Variants in UNC119 observed in about 807,000 individuals in gnomAD.
UNC119 encodes protein unc-119 homolog A.
A neutral mutation model predicts 22.6 loss-of-function variants in UNC119; 15 were observed. The ratio of observed to expected loss-of-function variants is 0.66; its 90% confidence interval spans 0.44 to 1.02. The LOEUF is 1.02. Among genes scored for constraint, UNC119 ranks in the 50% least tolerant of loss-of-function variants. The pLI is 0.00. For missense variants in UNC119, 322 were observed against 336.0 expected, an observed-to-expected ratio of 0.96 and a Z score of 0.33; for synonymous variants, 138 against 139.4, an observed-to-expected ratio of 0.99 and a Z score of 0.07.
chr17:28,548,646 G>A lies in UNC119; in HGVS notation c.280C>T (p.Arg94Trp), dbSNP rs764558972. The change falls in exon 2 of 5, where the codon CGG becomes TGG. Residue 94 changes from arginine (R) to tryptophan (W), a missense_variant. By Grantham distance (101) the Arg-to-Trp change is moderately radical (BLOSUM62 -3). Transcript: ENST00000335765. ...YKIDFVRFKIRDMDSGTVLFE... is the reference protein window; with the variant it reads ...YKIDFVRFKIWDMDSGTVLFE... ...AGGACAGTGCCTGAGTCCATGTCCCGAATCTTAAACCTGACAAAGTCGATC... is the reference window on the plus strand; with the variant it reads ...AGGACAGTGCCTGAGTCCATGTCCCAAATCTTAAACCTGACAAAGTCGATC... 3.7e-5 allele frequency: 60 copies of A among 1,614,052 alleles called. No homozygotes were observed. The Admixed American group carries it at 7.2e-4, about 19-fold the overall frequency.
chr17:28,547,481 C>T, intron 4 of UNC119, 72 bp from the exon 5 acceptor site: 1 of 1,600,936 alleles, frequency 6.2e-7, no homozygotes, highest in Non-Finnish European at 8.5e-7. Context: ...GGCTTCAGGA[C>T]TGGGGTACAG....
At chr17:28,547,537 A>G in intron 4 of UNC119, 128 bp from the exon 5 acceptor site, 1 of 1,588,470 alleles carries the variant, frequency 6.3e-7, no homozygotes, top group Non-Finnish European at 8.6e-7. Context: ...TTCTCTACGG[A>G]TGATATGGGA....
At position 28,548,096 on chromosome 17, in the gene UNC119, A is replaced by G. The variant is rs371050109; in HGVS notation, c.340T>C (p.Leu114=). The change falls in exon 3 of 5, where the codon TTG becomes CTG. Residue 114 remains leucine, a synonymous_variant. Coordinates refer to ENST00000335765, the MANE Select transcript of UNC119 (RefSeq NM_005148.4). The part of the protein sequence containing the change: ...EIKKPPVSER[L]PINRRDLDPN... ...TCCAGGTCCCGCCGGTTGATGGGCAACCGTTCTGCAATGTACCCCAGCTGG... is the reference window on the plus strand; with the variant it reads ...TCCAGGTCCCGCCGGTTGATGGGCAGCCGTTCTGCAATGTACCCCAGCTGG... 1.7e-4 allele frequency: 270 copies of G among 1,613,048 alleles called. No homozygotes were observed. Among genetic ancestry groups the G allele is most frequent in the East Asian group, 6.0e-4 (27 of 44,824 alleles).
At position 28,552,341 on chromosome 17, in the gene UNC119, C is replaced by T. The variant is rs900462989; in HGVS notation, c.217G>A (p.Gly73Ser). ...GCGCTCCCTCGCGGGTGCTCACCAC[C>T]GGTGATCCGCTGCAGCCCCAGCACG... Reference protein sequence around the residue: ...EDVLGLQRITGDYLCSPEENI... With the variant: ...EDVLGLQRITSDYLCSPEENI... Residue 73 changes from glycine to serine, a missense_variant, in exon 1 of 5, where the codon GGT becomes AGT. By Grantham distance (56) the Gly-to-Ser change is moderately conservative. Transcript: ENST00000335765. The T allele has an allele frequency of 3.6e-5, 56 of 1,535,782 alleles. No individual in the cohort carries two copies. The highest frequency in any genetic ancestry group is 4.4e-5 in the Non-Finnish European group (51 of 1,147,244).
At chr17:28,552,083 G>C (rs1463841790) in intron 1 of UNC119, 3 of 680,854 alleles carry the variant, frequency 4.4e-6, no homozygotes. Context: ...TGGGAAAAGG[G>C]GACGGGCCCC....
chr17:28,551,199 A>C (rs2070265342), intron 1 of UNC119: 1 of 152,240 alleles, frequency 6.6e-6, no homozygotes, highest in Non-Finnish European at 1.5e-5. Context: ...ACTCCAATAC[A>C]TGCCCCCCAT....
chr17:28,548,599 TG>T lies in UNC119; in HGVS notation c.326del (p.Pro109GlnfsTer32), dbSNP rs1567611089. The stretch of plus-strand genomic sequence containing the variant: ...CCCACCCAGCCCACTCACCTGAGAC[TG>T]GGGGCTTCTTGATTTCAAAGAGGAC... ...GTVLFEIKKP[P>X]VSERLPINRR... is the part of the protein sequence containing the mutation. On this transcript the variant is annotated frameshift_variant, in exon 2 of 5. Coordinates refer to ENST00000335765, the MANE Select transcript of UNC119 (RefSeq NM_005148.4). LOFTEE classifies it high-confidence loss of function. The T allele has an allele frequency of 6.2e-7, 1 of 1,614,056 alleles. No individual in the cohort carries two copies.
intron 1 of UNC119, 108 bp downstream of exon 1, chr17:28,552,230 G>C (rs1204792852): frequency 1.1e-5 from 12 of 1,050,194 alleles, no homozygotes; most frequent in Non-Finnish European, 1.6e-5. Flanking sequence ...CTCGGTGGGG[G>C]AGGGGAGGCG....
At chr17:28,547,438 A>G in intron 4 of UNC119, 29 bp from the exon 5 acceptor site, 2 of 1,612,570 alleles carry the variant, frequency 1.2e-6, no homozygotes, top group Non-Finnish European at 1.7e-6. Flanking sequence ...CAGGCCGGGC[A>G]AAGGTCAGGA....
rs2086588914 is a variant in UNC119 at position 28,550,797 on chromosome 17, A to G, written c.220+1541T>C. ...GATGCCCCATCTCTAAGGGCTATGA[A>G]TTTCCTCCAAATTAGGAGACAAATG... On this transcript the variant is annotated intron_variant, in intron 1 of 4. Coordinates refer to ENST00000335765, the MANE Select transcript of UNC119 (RefSeq NM_005148.4). The G allele has an allele frequency of 2.0e-5, 3 of 152,352 alleles. No homozygotes were observed. In the South Asian group the frequency reaches 6.2e-4, roughly 32 times the overall value. The allele number at this position is 152,352 out of a possible 1,614,324, so 9.4% of individuals were successfully genotyped here.
rs1183911494 is a variant in UNC119 at position 28,546,905 on chromosome 17, C to T, written c.*392G>A. ...CCCACCGTGGATCTTTGTAAATTTA[C>T]AACTCTAAATGGCCTGAAGGTAGTG... On this transcript the variant is annotated 3_prime_UTR_variant, in exon 5 of 5. Transcript: ENST00000335765. 1 of 313,518 alleles carries T rather than the reference C, an allele frequency of 3.2e-6. No individual in the cohort carries two copies. The highest frequency in any genetic ancestry group is 6.4e-6 in the Non-Finnish European group (1 of 157,208). The allele number at this position is 313,518 out of a possible 1,614,324, so 19.4% of individuals were successfully genotyped here.
chr17:28,552,327 C>A lies in UNC119; in HGVS notation c.220+11G>T. The A allele has an allele frequency of 1.3e-6, 2 of 1,532,466 alleles. No homozygotes were observed. Among genetic ancestry groups the A allele is most frequent in the Non-Finnish European group, 1.7e-6 (2 of 1,145,306 alleles). 94.9% of individuals were successfully genotyped at this position (1,532,466 alleles called of 1,614,324 possible). On this transcript the variant is annotated intron_variant, in intron 1 of 4. Transcript: ENST00000335765. ...CCCACCCGCGGGCGGCGCTCCCTCG[C>A]GGGTGCTCACCACCGGTGATCCGCT...
At chr17:28,548,313 A>C in intron 2 of UNC119, 1 of 624,124 alleles carries the variant, frequency 1.6e-6, no homozygotes, top group Non-Finnish European at 2.8e-6. Context: ...CCCGGGCCAC[A>C]GGATGCTGAG....
In UNC119 at chr17:28,547,264, C is replaced by G. The variant is rs1391602465; in HGVS notation, c.*33G>C. 2.5e-5 allele frequency: 41 copies of G among 1,612,936 alleles called. No homozygotes were observed. The highest frequency in any genetic ancestry group is 1.8e-4 in the Admixed American group (11 of 59,904). ...GGAGGTCACAGCTCCCAGCCCAGAA[C>G]TGGAGCCTCCTGGGGTCAGGGCAGC... On this transcript the variant is annotated 3_prime_UTR_variant, in exon 5 of 5. Transcript: ENST00000335765.
intron 1 of UNC119, chr17:28,548,927 G>A (rs1267183057): frequency 1.9e-6 from 1 of 513,746 alleles, no homozygotes; most frequent in Non-Finnish European, 3.5e-6. Context: ...CATCCTACTG[G>A]TCTCTGGGGG....
At chr17:28,548,920 C>A in intron 1 of UNC119, 1 of 527,232 alleles carries the variant, frequency 1.9e-6, no homozygotes, top group Non-Finnish European at 3.4e-6. Context: ...GGAGTGCCAT[C>A]CTACTGGTCT....
chr17:28,547,206 G>A lies in UNC119; in HGVS notation c.*91C>T, dbSNP rs2070214857. Reference sequence around the variant, plus strand: ...CCGGAGCTCCTGGAGAACTCCCCAAGCAGAGGACTTGGGGTTGAGGGGTGA... The same window carrying A: ...CCGGAGCTCCTGGAGAACTCCCCAAACAGAGGACTTGGGGTTGAGGGGTGA... On this transcript the variant is annotated 3_prime_UTR_variant, in exon 5 of 5. Transcript: ENST00000335765. 4.7e-6 allele frequency: 7 copies of A among 1,499,654 alleles called. No individual in the cohort carries two copies. Among genetic ancestry groups the A allele is most frequent in the East Asian group, 4.7e-5 (2 of 42,314 alleles). The allele number at this position is 1,499,654 out of a possible 1,614,324, so 92.9% of individuals were successfully genotyped here. A position where few individuals can be genotyped will look rare whatever the true frequency, so the allele number is the denominator to read the frequency against.
At chr17:28,552,123 G>T (rs1021460923) in intron 1 of UNC119, 6 of 711,428 alleles carry the variant, frequency 8.4e-6, no homozygotes, top group Non-Finnish European at 1.6e-5. Context: ...TCTCGAAAGG[G>T]AGAAGAAGGA....
intron 2 of UNC119, 118 bp downstream of exon 2, chr17:28,548,474 G>A: frequency 1.2e-6 from 1 of 832,840 alleles, no homozygotes; most frequent in Non-Finnish European, 2.0e-6. Context: ...AGACTCCTGA[G>A]AATGCTGGGG....
Sources: allele counts gnomAD v4.1 joint callset, GRCh38; gene constraint gnomAD v4.1.1; transcripts MANE v1.5; gene names NCBI Gene and HGNC (gene_info 2026-07-23, HGNC 2026-07-21).